Variants in HERC2 observed in about 807,000 individuals in gnomAD.
The protein encoded by HERC2 is E3 ubiquitin-protein ligase HERC2.
HERC2 carries 102 observed loss-of-function variants against 537.7 expected under a neutral mutation model. The observed-to-expected ratio is 0.19, with a 90% CI of 0.16 to 0.22. HERC2 has a LOEUF of 0.22. Ranked by LOEUF, HERC2 falls within the 10% of genes least tolerant of loss-of-function variation. The pLI is 1.00. For synonymous variants in HERC2, 2,224 were observed against 2,466.2 expected (o/e 0.90, Z 2.91); for missense variants, 4,236 against 6,198.2 (o/e 0.68, Z 10.63).
chr15:28,226,326 C>T lies in HERC2; in HGVS notation c.5464+1892G>A, dbSNP rs544379939. Among the ~76,000 whole-genome samples the T allele has an allele frequency of 2.3e-4, 35 of 152,004 alleles. No individual in the cohort carries two copies. In the East Asian group the frequency reaches 6.8e-3, roughly 29 times the overall value. The stretch of plus-strand genomic sequence containing the variant: ...GCAAGGGACCCAAAGTAGCCAAAAT[C>T]ATCTTGAGAAAGAAAACACACTTCT... On this transcript the variant is annotated intron_variant, in intron 35 of 92. Coordinates refer to ENST00000261609, the MANE Select transcript of HERC2 (RefSeq NM_004667.6).
chr15:28,218,685 T>A lies in HERC2; in HGVS notation c.5846-14A>T. 2.6e-6 allele frequency: 4 copies of A among 1,561,158 alleles called. No individual in the cohort carries two copies. The highest frequency in any genetic ancestry group is 3.5e-6 in the Non-Finnish European group (4 of 1,145,974). ...TTTGTTCGGCTTCTAAAAAAAATAATCAAAATTACAAATTATATTCCCAAG... is the reference window on the plus strand; with the variant it reads ...TTTGTTCGGCTTCTAAAAAAAATAAACAAAATTACAAATTATATTCCCAAG... On this transcript the variant is annotated splice_polypyrimidine_tract_variant and intron_variant, in intron 37 of 92. Transcript: ENST00000261609.
Position 28,233,683 on chromosome 15 carries a change from G to A in HERC2, c.4332C>T (p.Leu1444=), listed in dbSNP as rs755969472. The change falls in exon 28 of 93, where the codon CTC becomes CTT. Residue 1444 remains leucine (L), a synonymous_variant. Coordinates refer to ENST00000261609, the MANE Select transcript of HERC2 (RefSeq NM_004667.6). ...EEVGRLLLCC[L]LKHEDLGHVA... ...CCTTACCTAAATCTTCATGTTTTAA[G>A]AGGCAACATAACAACAAGCGACCGA... 76 of 1,613,868 alleles carry A rather than the reference G, an allele frequency of 4.7e-5. 1 individual carries two copies. Among genetic ancestry groups the A allele is most frequent in the Non-Finnish European group, 6.1e-5 (72 of 1,179,872 alleles).
rs1903035934 is a variant in HERC2 at position 28,240,855 on chromosome 15, G to A, written c.3578-2083C>T. Among the ~76,000 whole-genome samples the A allele has an allele frequency of 2.0e-5, 3 of 149,104 alleles. No individual in the cohort carries two copies. The South Asian group carries it at 6.2e-4, about 31-fold the overall frequency. ...TCCAGACATGCACATGTAAAGAACG[G>A]AGGTAGACCCTTACCTTACGCCACA... is the stretch of plus-strand genomic sequence containing the variant. On this transcript the variant is annotated intron_variant, in intron 23 of 92. Transcript: ENST00000261609.
intron 14 of HERC2, 54 bp from the exon 15 acceptor site, chr15:28,263,223 T>G (rs757596331): frequency 5.7e-5 from 90 of 1,566,538 alleles, no homozygotes; most frequent in Non-Finnish European, 7.3e-5. Context: ...TAACGAAAAA[T>G]TTTAAATGAC....
intron 48 of HERC2, among the ~76,000 whole-genome samples, chr15:28,201,254 G>A (rs1897875884): frequency 1.3e-5 from 2 of 152,178 alleles, no homozygotes; most frequent in Admixed American, 6.5e-5. Flanking sequence ...CCCCTTTACT[G>A]TAGTCTGTTC....
In HERC2 at chr15:28,122,858, C is replaced by A. The variant is rs183363165; in HGVS notation, c.13188+1179G>T. Among the ~76,000 whole-genome samples, 10 of 152,188 alleles carry A rather than the reference C, an allele frequency of 6.6e-5. No individual in the cohort carries two copies. In the East Asian group the frequency reaches 1.7e-3, roughly 27 times the overall value. ...ACCACACACCAGCTCCCACCCATGC[C>A]CCGCTCACAGCCTGCACAACGCTCA... On this transcript the variant is annotated intron_variant, in intron 85 of 92. Transcript: ENST00000261609. This position sits in a 1 kb window ranked among gnomAD's most constrained non-coding sequence, Gnocchi z 4.1.
chr15:28,189,691 G>A (rs749094353), intron 55 of HERC2, among the ~76,000 whole-genome samples: 25 of 152,110 alleles, frequency 1.6e-4, no homozygotes, highest in Admixed American at 3.3e-4. Context: ...ACAAAAAAGT[G>A]ATAAATATTT....
At chr15:28,264,420 A>G (rs1158748879) in intron 14 of HERC2, among the ~76,000 whole-genome samples, 1 of 152,210 alleles carries the variant, frequency 6.6e-6, no homozygotes, top group African/African-American at 2.4e-5. Context: ...AGATCGGAGC[A>G]TGCATTTCCA....
intron 2 of HERC2, among the ~76,000 whole-genome samples, chr15:28,311,356 CAG>C (rs1446952975): frequency 6.6e-6 from 1 of 152,278 alleles, no homozygotes; most frequent in Non-Finnish European, 1.5e-5. Flanking sequence ...TCCCACTACT[CAG>C]GGGGCTGAGG....
chr15:28,164,397 T>C (rs1893923950), intron 68 of HERC2, among the ~76,000 whole-genome samples: 1 of 152,224 alleles, frequency 6.6e-6, no homozygotes, highest in South Asian at 2.1e-4. Flanking sequence ...CTCCTGCCTC[T>C]GCATGGAGAC....
intron 55 of HERC2, chr15:28,190,175 ATTTTTTTTTTTT>A (rs774381604): frequency 1.7e-5 from 2 of 118,304 alleles, no homozygotes; most frequent in African/African-American, 6.5e-5. Flanking sequence ...CGCCCGGCTA[ATTTTTTTTTTTT>A]TTTTTTTTTT....
At chr15:28,315,894 A>T in intron 2 of HERC2, 3 of 467,224 alleles carry the variant, frequency 6.4e-6, no homozygotes, top group Non-Finnish European at 1.3e-5. Flanking sequence ...ATGGATCTAG[A>T]ACTTCATCGC....
chr15:28,214,513 G>A, intron 40 of HERC2, 142 bp downstream of exon 40: 1 of 1,163,874 alleles, frequency 8.6e-7, no homozygotes, highest in Non-Finnish European at 1.3e-6. Context: ...AGGGCACAGG[G>A]AAGGGAGACG....
intron 83 of HERC2, 35 bp downstream of exon 83, chr15:28,130,128 A>G: frequency 1.2e-6 from 2 of 1,610,248 alleles, no homozygotes; most frequent in Non-Finnish European, 8.5e-7. Flanking sequence ...TTAGATTCAC[A>G]GGCCTCAGTC....
At chr15:28,194,226 C>T (rs1381372810) in intron 52 of HERC2, among the ~76,000 whole-genome samples, 44 of 150,370 alleles carry the variant, frequency 2.9e-4, no homozygotes, top group Admixed American at 2.4e-3. Flanking sequence ...CCACCACGCC[C>T]GGCTAATTTT....
intron 52 of HERC2, among the ~76,000 whole-genome samples, chr15:28,195,206 TCTTC>T: frequency 6.6e-6 from 1 of 152,146 alleles, no homozygotes; most frequent in African/African-American, 2.4e-5. Flanking sequence ...ATAATTAATA[TCTTC>T]AGTAACTACT....
At chr15:28,295,649 C>T (rs1357636443) in intron 3 of HERC2, among the ~76,000 whole-genome samples, 10 of 152,206 alleles carry the variant, frequency 6.6e-5, no homozygotes, top group South Asian at 6.2e-4. Flanking sequence ...CCGCCTGCCT[C>T]GGCCTCCAAA....
chr15:28,172,340 A>C (rs1420042606), intron 65 of HERC2, among the ~76,000 whole-genome samples: 2 of 152,242 alleles, frequency 1.3e-5, no homozygotes, highest in Non-Finnish European at 2.9e-5. Flanking sequence ...GAAAAAGAAC[A>C]AAGCTAAAGA....
At chr15:28,152,855 T>A in intron 69 of HERC2, 25 bp from the exon 70 acceptor site, 2 of 1,553,648 alleles carry the variant, frequency 1.3e-6, no homozygotes, top group Non-Finnish European at 1.7e-6. Flanking sequence ...AGGACATGAA[T>A]GAGGGGGCCA....
Sources: gnomAD v4.1 joint callset for allele counts (sites outside exome capture counted in the v4.1 genomes callset) on GRCh38, gnomAD v4.1.1 for gene constraint, Gnocchi (gnomAD v3.1) non-coding constraint, MANE v1.5 for transcripts, NCBI Gene and HGNC (gene_info 2026-07-23, HGNC 2026-07-21) for gene names.